PUS1: variants seen among roughly 807,000 people sequenced by gnomAD.
PUS1 encodes pseudouridylate synthase 1 homolog.
A neutral mutation model predicts 38.5 loss-of-function variants in PUS1; 25 were observed. The observed-to-expected ratio is 0.65, with a 90% confidence interval of 0.47 to 0.91. PUS1 has a LOEUF of 0.91. Ranked by LOEUF, PUS1 falls within the 40% of genes least tolerant of loss-of-function variation. The pLI, the probability that PUS1 is intolerant of heterozygous loss-of-function variation, is 0.00. For synonymous variants in PUS1, 282 were observed against 260.4 expected, an observed-to-expected ratio of 1.08 and a Z score of -0.80; for missense variants, 597 against 612.3, an observed-to-expected ratio of 0.97 and a Z score of 0.26.
chr12:131,941,855 G>A lies in PUS1; in HGVS notation c.1108G>A (p.Glu370Lys). 6.2e-7 allele frequency: 1 copy of A among 1,614,006 alleles called. No individual in the cohort carries two copies. The highest frequency in any genetic ancestry group is 2.2e-5 in the East Asian group (1 of 44,888). Residue 370 changes from glutamate (E) to lysine (K), a missense_variant, in exon 5 of 6, where the codon GAG (glutamate) becomes AAG (lysine). By Grantham distance (56) the Glu-to-Lys change is moderately conservative (BLOSUM62 1). Transcript: ENST00000376649. The surrounding 1 kb of genome is among the most constrained non-coding windows in gnomAD (Gnocchi z 4.4). ...QEEGKVAAFK[E>K]EHIYPTIIGT... ...GGAAGGAAAGGTCGCAGCCTTCAAG[G>A]AGGAGCACATCTACCCCACCATCAT... is the stretch of plus-strand genomic sequence containing the variant.
chr12:131,933,025 G>A (rs1890676206), intron 3 of PUS1, among the ~76,000 whole-genome samples: 1 of 152,044 alleles, frequency 6.6e-6, no homozygotes, highest in South Asian at 2.1e-4. Flanking sequence ...GATCTTGGGA[G>A]AACTCACTCA....
Position 131,941,021 on chromosome 12 carries a change from T to C in PUS1, c.545-271T>C. On this transcript the variant is annotated intron_variant, in intron 4 of 5. Transcript: ENST00000376649. The surrounding 1 kb of genome is among the most constrained non-coding windows in gnomAD (Gnocchi z 4.4). The stretch of plus-strand genomic sequence containing the variant: ...GTATCATTTCTTTGTGTTGGAGACA[T>C]TCCGTATCTTCTCACTATTGGAAAA... 1.9e-6 allele frequency: 1 copy of C among 521,962 alleles called. No homozygotes were observed. Among genetic ancestry groups the C allele is most frequent in the South Asian group, 2.3e-5 (1 of 43,098 alleles). 32.3% of individuals were successfully genotyped at this position (521,962 alleles called of 1,614,324 possible). A position where few individuals can be genotyped will look rare whatever the true frequency, so the allele number is the denominator to read the frequency against.
At position 131,930,066 on chromosome 12, in the gene PUS1, C is replaced by G. The variant is rs1427527337; in HGVS notation, c.234C>G (p.Arg78=). The G allele has an allele frequency of 2.1e-6, 3 of 1,436,920 alleles. No individual in the cohort carries two copies. Among genetic ancestry groups the G allele is most frequent in the African/African-American group, 1.5e-5 (1 of 67,500 alleles). 89.0% of individuals were successfully genotyped at this position (1,436,920 alleles called of 1,614,324 possible). A position where few individuals can be genotyped will look rare whatever the true frequency, so the allele number is the denominator to read the frequency against. The part of the protein sequence containing the change: ...KLKSGGDEER[R]EKPPKRKIVL... ...AGAGCGGTGGCGACGAGGAGCGGCG[C>G]GAGAAGCCGCCCAAGCGGAAGATCG... Residue 78 remains arginine, a synonymous_variant, in exon 2 of 6, where the codon CGC becomes CGG. Coordinates refer to ENST00000376649, the MANE Select transcript of PUS1 (RefSeq NM_025215.6).
chr12:131,941,123 C>T lies in PUS1; in HGVS notation c.545-169C>T. ...CCTCCTGTCCATCGTCCTCCTGTGC[C>T]TGTTCCCCAGCCTGTGGCTGCCCCC... On this transcript the variant is annotated intron_variant, in intron 4 of 5. Transcript: ENST00000376649. The surrounding 1 kb of genome is among the most constrained non-coding windows in gnomAD (Gnocchi z 4.4). The T allele has an allele frequency of 4.7e-6, 3 of 642,838 alleles. No homozygotes were observed. The highest frequency in any genetic ancestry group is 2.3e-5 in the Admixed American group (1 of 43,296). The allele number at this position is 642,838 out of a possible 1,614,324, so 39.8% of individuals were successfully genotyped here.
Position 131,942,280 on chromosome 12 carries a change from A to C in PUS1, c.1236+297A>C, listed in dbSNP as rs566101367. Among the ~76,000 whole-genome samples, 7 of 152,300 alleles carry C rather than the reference A, an allele frequency of 4.6e-5. No homozygotes were observed. In the South Asian group the frequency reaches 1.2e-3, roughly 27 times the overall value. ...ATAATCAGCAGCTAGACAGCTGCGGAATGTAGCTTAGAACCGGAACATACA... is the reference window on the plus strand; with the variant it reads ...ATAATCAGCAGCTAGACAGCTGCGGCATGTAGCTTAGAACCGGAACATACA... On this transcript the variant is annotated intron_variant, in intron 5 of 5. Transcript: ENST00000376649.
Position 131,929,715 on chromosome 12 carries a change from G to T in PUS1, c.-8G>T. ...CAGGGCGGGGTCGGGTGCACTGGTA[G>T]CCTGCGCATGGGCCTCCAGCTTCGC... On this transcript the variant is annotated 5_prime_UTR_variant, in exon 1 of 6. Transcript: ENST00000376649. 6.3e-7 allele frequency: 1 copy of T among 1,584,928 alleles called. No individual in the cohort carries two copies.
At chr12:131,930,545 AT>A (rs1241062954) in intron 2 of PUS1, among the ~76,000 whole-genome samples, 1 of 152,224 alleles carries the variant, frequency 6.6e-6, no homozygotes, top group Non-Finnish European at 1.5e-5. Context: ...AGAGCTAAGT[AT>A]TAAAGTTGTG....
rs768530474 is a variant in PUS1 at position 131,929,680 on chromosome 12, G to A, written c.-43G>A. On this transcript the variant is annotated 5_prime_UTR_variant, in exon 1 of 6. Coordinates refer to ENST00000376649, the MANE Select transcript of PUS1 (RefSeq NM_025215.6). ...CGGAGCTGGGGCACTGGGGGTCAGG[G>A]GTCGGGGATCAGGGCGGGGTCGGGT... 6 of 1,512,426 alleles carry A rather than the reference G, an allele frequency of 4.0e-6. No individual in the cohort carries two copies. The highest frequency in any genetic ancestry group is 8.8e-7 in the Non-Finnish European group (1 of 1,131,200). The allele number at this position is 1,512,426 out of a possible 1,614,324, so 93.7% of individuals were successfully genotyped here.
chr12:131,930,854 G>T (rs1890571590), intron 2 of PUS1, among the ~76,000 whole-genome samples: 1 of 151,948 alleles, frequency 6.6e-6, no homozygotes, highest in Non-Finnish European at 1.5e-5. Context: ...ATAGGAATGG[G>T]GTCTCGCTGT....
rs751697607 is a variant in PUS1 at position 131,941,280 on chromosome 12, C to T, written c.545-12C>T. ...CACCTGCCTTTCTCCTCCCTGACCA[C>T]CTCCCCCCTAGGACTGAAGCGGGTC... On this transcript the variant is annotated splice_polypyrimidine_tract_variant and intron_variant, in intron 4 of 5. Transcript: ENST00000376649. This position sits in a 1 kb window ranked among gnomAD's most constrained non-coding sequence, Gnocchi z 4.4. 1 of 1,612,704 alleles carries T rather than the reference C, an allele frequency of 6.2e-7. No homozygotes were observed. Among genetic ancestry groups the T allele is most frequent in the Non-Finnish European group, 8.5e-7 (1 of 1,178,978 alleles).
chr12:131,937,359 GT>G (rs1016769844), intron 3 of PUS1, among the ~76,000 whole-genome samples: 5 of 152,018 alleles, frequency 3.3e-5, no homozygotes, highest in Admixed American at 2.6e-4. Context: ...GTTGTGTGTG[GT>G]TTTTTTAAAA....
At chr12:131,940,628 A>G (rs527438283) in intron 4 of PUS1, among the ~76,000 whole-genome samples, 4 of 152,102 alleles carry the variant, frequency 2.6e-5, no homozygotes, top group Admixed American at 6.5e-5. Flanking sequence ...CCCAGGCTGG[A>G]GTGCAGTGGC....
In PUS1 at chr12:131,941,862, ACATCTACCCCACCAT is replaced by A. The variant is rs1891090209; in HGVS notation, c.1120_1134del (p.Tyr374_Ile378del). 1 of 1,613,832 alleles carries A rather than the reference ACATCTACCCCACCAT, an allele frequency of 6.2e-7. No individual in the cohort carries two copies. On this transcript the variant is annotated inframe_deletion, in exon 5 of 6. Transcript: ENST00000376649. This position sits in a 1 kb window ranked among gnomAD's most constrained non-coding sequence, Gnocchi z 4.4. ...AAGGTCGCAGCCTTCAAGGAGGAGC[ACATCTACCCCACCAT>A]CATCGGCACCGAGCGGGACGAACGC... is the stretch of plus-strand genomic sequence containing the variant.
At chr12:131,938,738 T>G (rs1465407651) in intron 3 of PUS1, among the ~76,000 whole-genome samples, 1 of 151,230 alleles carries the variant, frequency 6.6e-6, no homozygotes, top group Non-Finnish European at 1.5e-5. Flanking sequence ...TTTTTTTCCT[T>G]TGAGGTGGAG....
chr12:131,941,697 G>A lies in PUS1; in HGVS notation c.950G>A (p.Ser317Asn). ...GYAPESVLERSWGTEKVDVPK... is the reference protein window; with the variant it reads ...GYAPESVLERNWGTEKVDVPK... ...GCCCCTGAGAGCGTGCTGGAGCGCAGCTGGGGCACAGAGAAGGTGGACGTG... is the reference window on the plus strand; with the variant it reads ...GCCCCTGAGAGCGTGCTGGAGCGCAACTGGGGCACAGAGAAGGTGGACGTG... The change falls in exon 5 of 6, where the codon AGC becomes AAC. Residue 317 changes from serine (S) to asparagine (N), a missense_variant. Transcript: ENST00000376649. The surrounding 1 kb of genome is among the most constrained non-coding windows in gnomAD (Gnocchi z 4.4). The A allele has an allele frequency of 6.2e-7, 1 of 1,614,228 alleles. No individual in the cohort carries two copies. Among genetic ancestry groups the A allele is most frequent in the Non-Finnish European group, 8.5e-7 (1 of 1,180,042 alleles).
rs912800516 is a variant in PUS1 at position 131,929,475 on chromosome 12, A to G, written c.-248A>G. On this transcript the variant is annotated 5_prime_UTR_variant, in exon 1 of 6. Coordinates refer to ENST00000376649, the MANE Select transcript of PUS1 (RefSeq NM_025215.6). Reference sequence around the variant, plus strand: ...CCGGGGCGGTCTGGGGGCAGTAGAGACGGGGCTTGGGCGCGGGGCCTGAGA... The same window carrying G: ...CCGGGGCGGTCTGGGGGCAGTAGAGGCGGGGCTTGGGCGCGGGGCCTGAGA... 22 of 442,438 alleles carry G rather than the reference A, an allele frequency of 5.0e-5. No homozygotes were observed. The highest frequency in any genetic ancestry group is 4.1e-4 in the African/African-American group (20 of 48,460). 27.4% of individuals were successfully genotyped at this position (442,438 alleles called of 1,614,324 possible). A position where few individuals can be genotyped will look rare whatever the true frequency, so the allele number is the denominator to read the frequency against.
intron 3 of PUS1, among the ~76,000 whole-genome samples, chr12:131,935,458 T>G (rs9787985): frequency 0.99 from 151,210 of 152,344 alleles, 75,050 homozygotes; most frequent in Middle Eastern, 1. Context: ...GTAAATCCAT[T>G]AGGCCGGCAC....
At chr12:131,931,283 C>T (rs1452536023) in intron 2 of PUS1, among the ~76,000 whole-genome samples, 10 of 151,940 alleles carry the variant, frequency 6.6e-5, no homozygotes, top group Non-Finnish European at 1.0e-4. Flanking sequence ...CTCAGCCTCC[C>T]GAGTAGCTGG....
rs539550093 is a variant in PUS1 at position 131,939,295 on chromosome 12, C to T, written c.544+20C>T. On this transcript the variant is annotated intron_variant, in intron 4 of 5. Transcript: ENST00000376649. ...TTCTGGGTAAGCCTTGCAGTGCAGGCGGCCACACACCTGGTTGTAGATGGT... is the reference window on the plus strand; with the variant it reads ...TTCTGGGTAAGCCTTGCAGTGCAGGTGGCCACACACCTGGTTGTAGATGGT... The T allele has an allele frequency of 8.5e-5, 123 of 1,445,590 alleles. 2 individuals carry two copies. The South Asian group carries it at 1.4e-3, about 16-fold the overall frequency. 89.5% of individuals were successfully genotyped at this position (1,445,590 alleles called of 1,614,324 possible).
Sources: gnomAD v4.1 joint callset for allele counts (sites outside exome capture counted in the v4.1 genomes callset) on GRCh38, gnomAD v4.1.1 for gene constraint, Gnocchi (gnomAD v3.1) non-coding constraint, MANE v1.5 for transcripts, NCBI Gene and HGNC (gene_info 2026-07-23, HGNC 2026-07-21) for gene names.